Variants in KIF27 observed in about 807,000 individuals in gnomAD.
KIF27 encodes kinesin family member 27.
Under a neutral mutation model 141.8 loss-of-function variants are expected in KIF27, and 84 were observed. The observed-to-expected ratio is 0.59, with a 90% confidence interval of 0.50 to 0.71. The LOEUF is 0.71. Ranked by LOEUF, KIF27 falls within the 30% of genes least tolerant of loss-of-function variation. The pLI is 0.00. For missense variants in KIF27, 1,306 were observed against 1,628.4 expected (o/e 0.80, Z 3.41); for synonymous variants, 471 against 569.5 (o/e 0.83, Z 2.46).
At chr9:83,844,160 A>G (rs1432391092) in intron 16 of KIF27, among the ~76,000 whole-genome samples, 2 of 152,074 alleles carry the variant, frequency 1.3e-5, no homozygotes, top group African/African-American at 2.4e-5. Flanking sequence ...CCCATGCTGG[A>G]TGCTTCCTGT....
At chr9:83,901,521 T>C (rs1953886462) in intron 4 of KIF27, among the ~76,000 whole-genome samples, 1 of 152,192 alleles carries the variant, frequency 6.6e-6, no homozygotes, top group African/African-American at 2.4e-5. Flanking sequence ...CTGCCTGTTA[T>C]TAGGTCAGAT....
chr9:83,848,323 C>CATATATGA (rs1948025988), intron 16 of KIF27, among the ~76,000 whole-genome samples: 2 of 86,776 alleles, frequency 2.3e-5, no homozygotes, highest in East Asian at 2.9e-4. Flanking sequence ...TATCATATAT[C>CATATATGA]TATATATCTA....
chr9:83,880,754 G>T (rs1951609758), intron 10 of KIF27, among the ~76,000 whole-genome samples: 1 of 152,112 alleles, frequency 6.6e-6, no homozygotes, highest in Non-Finnish European at 1.5e-5. Flanking sequence ...TGAAACAGAT[G>T]ATTTGCTTTT....
intron 13 of KIF27, among the ~76,000 whole-genome samples, chr9:83,866,148 C>T (rs1308358399): frequency 1.3e-5 from 2 of 151,882 alleles, no homozygotes. Context: ...ATGACTATGC[C>T]CTGTTTTCAT....
Position 83,887,148 on chromosome 9 carries a change from T to C in KIF27, c.2132A>G (p.Lys711Arg). 2 of 1,591,964 alleles carry C rather than the reference T, an allele frequency of 1.3e-6. No homozygotes were observed. The highest frequency in any genetic ancestry group is 1.7e-6 in the Non-Finnish European group (2 of 1,171,560). ...LQESQELNLQ[K>R]LKNSERILTE... ...AAGTATGCGTTCTGAATTCTTTAAT[T>C]TTTGCAAATTCAATTCTTGACTCTC... The change falls in exon 9 of 18, where the codon AAA (lysine) becomes AGA (arginine). Residue 711 changes from lysine to arginine, a missense_variant. Coordinates refer to ENST00000297814, the MANE Select transcript of KIF27 (RefSeq NM_017576.4).
intron 13 of KIF27, among the ~76,000 whole-genome samples, chr9:83,865,010 T>G (rs1950239635): frequency 6.6e-6 from 1 of 152,180 alleles, no homozygotes. Flanking sequence ...CTGCCTTTTT[T>G]TGTTTTCCAT....
At chr9:83,880,180 A>G in intron 11 of KIF27, 117 bp downstream of exon 11, 1 of 1,468,876 alleles carries the variant, frequency 6.8e-7, no homozygotes, top group Non-Finnish European at 9.3e-7. Context: ...GACAGCAGTG[A>G]AGGGCAGGTC....
At chr9:83,888,453 C>T (rs1412059051) in intron 8 of KIF27, 36 bp downstream of exon 8, 1 of 993,984 alleles carries the variant, frequency 1.0e-6, no homozygotes, top group East Asian at 2.6e-5. Context: ...TGTCCTATAA[C>T]CATTAGGTCT....
rs775649967 is a variant in KIF27, at chr9:83,908,550, G to C, written c.401C>G (p.Ser134Cys). The C allele has an allele frequency of 6.8e-6, 11 of 1,609,740 alleles. No homozygotes were observed. The South Asian group carries it at 1.2e-4, about 18-fold the overall frequency. The change falls in exon 3 of 18, where the codon TCT (serine) becomes TGT (cysteine). Residue 134 changes from serine to cysteine, a missense_variant. Coordinates refer to ENST00000297814, the MANE Select transcript of KIF27 (RefSeq NM_017576.4). The part of the protein sequence containing the change: ...HPSIDFNVKV[S>C]YIEVYKEDLR... The stretch of plus-strand genomic sequence containing the variant: ...GTCTTCCTTGTACACTTCTATATAA[G>C]ATACTTTTACATTAAAGTCAATGCT...
At chr9:83,882,003 T>C (rs948473186) in intron 10 of KIF27, among the ~76,000 whole-genome samples, 2 of 152,192 alleles carry the variant, frequency 1.3e-5, no homozygotes, top group Admixed American at 1.3e-4. Flanking sequence ...TTTAAAAATG[T>C]TTTGTTTTAA....
intron 1 of KIF27, 58 bp from the exon 2 acceptor site, chr9:83,915,736 C>T: frequency 2.7e-6 from 2 of 729,904 alleles, no homozygotes; most frequent in Non-Finnish European, 4.4e-6. Context: ...TCCCAATAAA[C>T]TAACCACCTT....
intron 5 of KIF27, among the ~76,000 whole-genome samples, chr9:83,892,254 AT>A (rs1210347260): frequency 6.6e-6 from 1 of 152,136 alleles, no homozygotes; most frequent in Non-Finnish European, 1.5e-5. Flanking sequence ...AAAACCTTAC[AT>A]TTTCATTGTA....
chr9:83,900,900 A>G (rs1047908826), intron 4 of KIF27, among the ~76,000 whole-genome samples: 2 of 151,802 alleles, frequency 1.3e-5, no homozygotes, highest in African/African-American at 2.4e-5. Flanking sequence ...AAAAAAAAAT[A>G]AAGAACTAAA....
In KIF27 at chr9:83,908,438, G is replaced by T. The variant is rs748584705; in HGVS notation, c.499+14C>A. On this transcript the variant is annotated intron_variant, in intron 3 of 17. Transcript: ENST00000297814. ...TTTGCTAATGAAGGCAACTGATTAA[G>T]TGTGCTACTTTACCTGTGTTTCCTT... 3.2e-6 allele frequency: 5 copies of T among 1,548,368 alleles called. No homozygotes were observed. The highest frequency in any genetic ancestry group is 3.5e-6 in the Non-Finnish European group (4 of 1,127,864).
At chr9:83,890,673 A>T (rs2132360322) in intron 6 of KIF27, among the ~76,000 whole-genome samples, 1 of 152,326 alleles carries the variant, frequency 6.6e-6, no homozygotes, top group South Asian at 2.1e-4. Flanking sequence ...TAACAACCAG[A>T]TGGATCTCAC....
intron 16 of KIF27, among the ~76,000 whole-genome samples, chr9:83,843,583 AT>A (rs748426316): frequency 3.3e-5 from 5 of 152,150 alleles, no homozygotes; most frequent in Admixed American, 6.6e-5. Context: ...AATACTTAAA[AT>A]TAATGAGATC....
chr9:83,913,789 GTATAA>G (rs1955426283), intron 2 of KIF27, among the ~76,000 whole-genome samples: 1 of 152,014 alleles, frequency 6.6e-6, no homozygotes. Flanking sequence ...AGAATCACAG[GTATAA>G]TATCTCATTA....
chr9:83,900,828 C>T (rs1443523461), intron 4 of KIF27, among the ~76,000 whole-genome samples: 1 of 151,410 alleles, frequency 6.6e-6, no homozygotes, highest in African/African-American at 2.4e-5. Flanking sequence ...TCCTGTTCCA[C>T]CAGTTTCTTA....
intron 17 of KIF27, among the ~76,000 whole-genome samples, chr9:83,841,276 G>T (rs970207951): frequency 6.6e-6 from 1 of 152,090 alleles, no homozygotes; most frequent in Admixed American, 6.5e-5. Flanking sequence ...TCACCATGTT[G>T]GTCAGGTTGG....
Sources: gnomAD v4.1 joint callset for allele counts (sites outside exome capture counted in the v4.1 genomes callset) on GRCh38, gnomAD v4.1.1 for gene constraint, MANE v1.5 for transcripts, NCBI Gene and HGNC (gene_info 2026-07-23, HGNC 2026-07-21) for gene names.